DYNC1I1: variants seen among roughly 807,000 people sequenced by gnomAD.
The protein encoded by DYNC1I1 is cytoplasmic dynein 1 intermediate chain 1.
In DYNC1I1, 43 loss-of-function variants were observed where a neutral mutation model predicts 86.6. The observed-to-expected ratio is 0.50, with a 90% CI of 0.39 to 0.64. DYNC1I1 has a LOEUF of 0.64. DYNC1I1 is among the 30% of genes least tolerant of loss of function. The pLI is 0.00. For synonymous variants in DYNC1I1, 262 were observed against 283.7 expected (o/e 0.92, Z 0.77); for missense variants, 604 against 788.8 (o/e 0.77, Z 2.81).
chr7:96,089,269 A>G (rs1790770894), intron 16 of DYNC1I1, among the ~76,000 whole-genome samples: 1 of 151,934 alleles, frequency 6.6e-6, no homozygotes, highest in Non-Finnish European at 1.5e-5. Context: ...CCACATCCAC[A>G]GAATTGTACA....
intron 5 of DYNC1I1, 148 bp downstream of exon 5, chr7:95,828,264 A>C: frequency 1.2e-6 from 1 of 810,376 alleles, no homozygotes; most frequent in South Asian, 1.7e-5. Flanking sequence ...TTTCCTTATA[A>C]AGCTTTGAAG....
intron 5 of DYNC1I1, among the ~76,000 whole-genome samples, chr7:95,860,471 C>T (rs983960669): frequency 6.6e-6 from 1 of 152,144 alleles, no homozygotes; most frequent in Admixed American, 6.5e-5. Context: ...GATGAAATAT[C>T]GTGATGTGAA....
intron 6 of DYNC1I1, among the ~76,000 whole-genome samples, chr7:95,873,181 A>C (rs1014753787): frequency 3.9e-5 from 6 of 152,326 alleles, no homozygotes; most frequent in Non-Finnish European, 7.4e-5. Context: ...ACTCAGGCCC[A>C]GTAGCAAACC....
At chr7:95,963,467 G>C (rs1030652191) in intron 6 of DYNC1I1, among the ~76,000 whole-genome samples, 2 of 152,086 alleles carry the variant, frequency 1.3e-5, no homozygotes, top group Non-Finnish European at 2.9e-5. Flanking sequence ...TGTTAAAGGG[G>C]GCAATTTAGG....
At chr7:95,984,376 A>G (rs1244233229) in intron 7 of DYNC1I1, among the ~76,000 whole-genome samples, 1 of 152,192 alleles carries the variant, frequency 6.6e-6, no homozygotes, top group Non-Finnish European at 1.5e-5. Flanking sequence ...GAAAGGTACT[A>G]TGAGGATCAT....
At chr7:95,888,653 C>T (rs1790659338) in intron 6 of DYNC1I1, among the ~76,000 whole-genome samples, 1 of 152,018 alleles carries the variant, frequency 6.6e-6, no homozygotes, top group South Asian at 2.1e-4. Flanking sequence ...TTGCCAAAGG[C>T]CTGGTTGTCT....
intron 6 of DYNC1I1, among the ~76,000 whole-genome samples, chr7:95,953,103 T>G (rs1463579402): frequency 6.7e-6 from 1 of 148,684 alleles, no homozygotes; most frequent in African/African-American, 2.5e-5. Flanking sequence ...GTATCTCGTA[T>G]GTACCTGGCT....
chr7:96,001,890 G>A lies in DYNC1I1; in HGVS notation c.969+5817G>A, dbSNP rs138178622. On this transcript the variant is annotated intron_variant, in intron 10 of 16. Transcript: ENST00000447467. ...AGTACAATTCAGTCCATAGTAATTGGTGAACTTGCTTTGAAATGATAAAAG... is the reference window on the plus strand; with the variant it reads ...AGTACAATTCAGTCCATAGTAATTGATGAACTTGCTTTGAAATGATAAAAG... 4.8e-3 allele frequency among the ~76,000 whole-genome samples: 725 copies of A among 152,246 alleles called. 5 individuals are homozygous for A. The highest frequency in any genetic ancestry group is 0.016 in the African/African-American group (682 of 41,526).
At chr7:95,894,006 C>A (rs1193195070) in intron 6 of DYNC1I1, among the ~76,000 whole-genome samples, 1 of 152,118 alleles carries the variant, frequency 6.6e-6, no homozygotes, top group Admixed American at 6.6e-5. Context: ...CAATGAGAAT[C>A]TCTGATGAAG....
chr7:95,885,545 C>G (rs1790571786), intron 6 of DYNC1I1, among the ~76,000 whole-genome samples: 1 of 152,186 alleles, frequency 6.6e-6, no homozygotes, highest in Non-Finnish European at 1.5e-5. Context: ...GTGGCATGAT[C>G]ATAGCTCACT....
chr7:95,874,928 T>A (rs758979730), intron 6 of DYNC1I1, among the ~76,000 whole-genome samples: 4 of 152,218 alleles, frequency 2.6e-5, no homozygotes, highest in Non-Finnish European at 4.4e-5. Context: ...ACCTTCCTGG[T>A]TAGAAGACCT....
chr7:95,978,947 C>T (rs1053824359), intron 7 of DYNC1I1, among the ~76,000 whole-genome samples: 3 of 152,138 alleles, frequency 2.0e-5, no homozygotes, highest in African/African-American at 7.2e-5. Flanking sequence ...AGGTGTGTGC[C>T]ACCATGCCTG....
chr7:95,865,004 C>T (rs1295787066), intron 5 of DYNC1I1, among the ~76,000 whole-genome samples: 1 of 151,990 alleles, frequency 6.6e-6, no homozygotes, highest in Non-Finnish European at 1.5e-5. Context: ...GGACAAGCTT[C>T]CTAAAACAGA....
chr7:96,077,278 G>GTGTGTGTGT (rs1562996246), intron 15 of DYNC1I1, among the ~76,000 whole-genome samples: 6 of 135,728 alleles, frequency 4.4e-5, no homozygotes, highest in African/African-American at 1.4e-4. Flanking sequence ...TGTGTGTGTG[G>GTGTGTGTGT]GAGGGGGCAG....
chr7:96,080,130 G>C (rs967369693), intron 15 of DYNC1I1, among the ~76,000 whole-genome samples: 3 of 152,066 alleles, frequency 2.0e-5, no homozygotes, highest in Non-Finnish European at 4.4e-5. Flanking sequence ...TATGTAAAAA[G>C]ACTCTCCCTC....
intron 5 of DYNC1I1, among the ~76,000 whole-genome samples, chr7:95,838,946 G>A (rs1173464297): frequency 6.6e-6 from 1 of 152,098 alleles, no homozygotes; most frequent in Non-Finnish European, 1.5e-5. Context: ...GTCTTATTTG[G>A]ATGACATGTA....
chr7:95,971,986 G>A (rs1251213498), intron 6 of DYNC1I1, among the ~76,000 whole-genome samples: 1 of 152,136 alleles, frequency 6.6e-6, no homozygotes, highest in East Asian at 1.9e-4. Flanking sequence ...AGAGCATCAA[G>A]GGCTCTGGCA....
chr7:95,825,668 T>C (rs1356025549), intron 4 of DYNC1I1, among the ~76,000 whole-genome samples: 1 of 152,160 alleles, frequency 6.6e-6, no homozygotes, highest in Non-Finnish European at 1.5e-5. Flanking sequence ...TTTAAAAAAC[T>C]ACAGATGCCT....
intron 6 of DYNC1I1, among the ~76,000 whole-genome samples, chr7:95,956,214 C>T (rs369674528): frequency 4.0e-5 from 6 of 151,834 alleles, no homozygotes; most frequent in African/African-American, 1.2e-4. Flanking sequence ...CTATGTGGCA[C>T]GTGTATGTGG....
Sources: allele counts gnomAD v4.1 joint callset (sites outside exome capture counted in the v4.1 genomes callset), GRCh38; gene constraint gnomAD v4.1.1; transcripts MANE v1.5; gene names NCBI Gene and HGNC (gene_info 2026-07-23, HGNC 2026-07-21).